Variants in KDM3B observed in about 807,000 individuals in gnomAD.
KDM3B encodes the protein lysine-specific demethylase 3B.
A neutral mutation model predicts 170.0 loss-of-function variants in KDM3B; 10 were observed. The ratio of observed to expected loss-of-function variants is 0.06; its 90% CI spans 0.04 to 0.10. KDM3B has a LOEUF of 0.10. Ranked by LOEUF, KDM3B falls within the 10% of genes least tolerant of loss-of-function variation. KDM3B has a pLI of 1.00. For missense variants in KDM3B, 1,394 were observed against 2,195.2 expected (o/e 0.64, Z 7.29); for synonymous variants, 831 against 834.8 (o/e 1.00, Z 0.08).
intron 6 of KDM3B, among the ~76,000 whole-genome samples, chr5:138,382,665 G>T (rs1359858320): frequency 1.3e-5 from 2 of 151,738 alleles, no homozygotes; most frequent in African/African-American, 4.8e-5. Flanking sequence ...AATAGGAAAA[G>T]AAAAAAAATT....
At chr5:138,374,606 C>G (rs1761952076) in intron 2 of KDM3B, among the ~76,000 whole-genome samples, 1 of 152,106 alleles carries the variant, frequency 6.6e-6, no homozygotes, top group African/African-American at 2.4e-5. Context: ...AGGAGAAGCT[C>G]TTGTATAATA....
At chr5:138,405,496 ACT>A (rs963619705) in intron 11 of KDM3B, among the ~76,000 whole-genome samples, 1 of 151,570 alleles carries the variant, frequency 6.6e-6, no homozygotes, top group African/African-American at 2.4e-5. Context: ...ACAGAGTAAG[ACT>A]CTGTCTTACA....
Position 138,372,790 on chromosome 5 carries a change from C to T in KDM3B, c.309C>T (p.Asp103=), listed in dbSNP as rs779436763. The change falls in exon 2 of 24, where the codon GAC becomes GAT. Residue 103 remains aspartate (D), a synonymous_variant. Coordinates refer to ENST00000314358, the MANE Select transcript of KDM3B (RefSeq NM_016604.4). ...CTCTTGTATGGGCGCCCCGTGAGGA[C>T]CCAGTCCTTCTCCAGGGCATTCGAG... The part of the protein sequence containing the change: ...EGSLVWAPRE[D]PVLLQGIRVS... 8 of 1,614,092 alleles carry T rather than the reference C, an allele frequency of 5.0e-6. No individual in the cohort carries two copies. In the South Asian group the frequency reaches 7.7e-5, roughly 16 times the overall value.
At chr5:138,408,188 A>G (rs1000540787) in intron 11 of KDM3B, among the ~76,000 whole-genome samples, 3 of 152,178 alleles carry the variant, frequency 2.0e-5, no homozygotes, top group African/African-American at 7.2e-5. Flanking sequence ...CCCTAAAGCT[A>G]TGTAAACATC....
chr5:138,384,273 A>T (rs1250307388), intron 6 of KDM3B, among the ~76,000 whole-genome samples: 1 of 151,284 alleles, frequency 6.6e-6, no homozygotes, highest in Non-Finnish European at 1.5e-5. Flanking sequence ...TCAAAAGAAA[A>T]CAACACTTAG....
intron 7 of KDM3B, 115 bp from the exon 8 acceptor site, chr5:138,390,898 G>GA: frequency 9.9e-7 from 1 of 1,010,468 alleles, no homozygotes; most frequent in Non-Finnish European, 1.4e-6. Context: ...TTGTAAAAGA[G>GA]AAAAGTTGAT....
chr5:138,412,965 T>TA (rs1191600164), intron 11 of KDM3B, among the ~76,000 whole-genome samples: 2 of 152,196 alleles, frequency 1.3e-5, no homozygotes, highest in African/African-American at 4.8e-5. Context: ...TTTGAACAGA[T>TA]ACGTCACCAA....
chr5:138,358,036 C>T lies in KDM3B; in HGVS notation c.192+5049C>T, dbSNP rs184024671. Among the ~76,000 whole-genome samples, 377 of 148,672 alleles carry T rather than the reference C, an allele frequency of 2.5e-3. 2 individuals carry two copies. The highest frequency in any genetic ancestry group is 8.1e-3 in the African/African-American group (326 of 40,188). On this transcript the variant is annotated intron_variant, in intron 1 of 23. Transcript: ENST00000314358. Reference sequence around the variant, plus strand: ...TTTAGAGACAGAGTTTCACTCTTGTCGCCCAGGCTGGAGTGTAATGGTGTG... The same window carrying T: ...TTTAGAGACAGAGTTTCACTCTTGTTGCCCAGGCTGGAGTGTAATGGTGTG...
At chr5:138,399,480 G>T (rs988835958) in intron 10 of KDM3B, among the ~76,000 whole-genome samples, 1 of 151,920 alleles carries the variant, frequency 6.6e-6, no homozygotes, top group Admixed American at 6.6e-5. Flanking sequence ...GGAGCTTGCA[G>T]TGAGCCAAGA....
intron 11 of KDM3B, among the ~76,000 whole-genome samples, chr5:138,402,390 C>G (rs1762714945): frequency 6.6e-6 from 1 of 152,196 alleles, no homozygotes; most frequent in African/African-American, 2.4e-5. Flanking sequence ...GTTTAGGCTA[C>G]TGTGATGTGG....
intron 1 of KDM3B, among the ~76,000 whole-genome samples, chr5:138,364,289 A>G (rs1195261624): frequency 2.0e-5 from 3 of 151,964 alleles, no homozygotes; most frequent in South Asian, 2.1e-4. Context: ...GCTTTTCTCT[A>G]TTTTCCACAG....
At chr5:138,397,159 G>A (rs559760290) in intron 9 of KDM3B, among the ~76,000 whole-genome samples, 4 of 152,060 alleles carry the variant, frequency 2.6e-5, no homozygotes, top group East Asian at 1.9e-4. Context: ...GTAAAACCCC[G>A]TCTCTACTAA....
At chr5:138,354,768 G>A (rs777908983) in intron 1 of KDM3B, among the ~76,000 whole-genome samples, 4 of 152,230 alleles carry the variant, frequency 2.6e-5, no homozygotes, top group Admixed American at 2.0e-4. Flanking sequence ...GAACATTACA[G>A]CTGTGTTGAG....
chr5:138,399,672 T>G (rs1176577659), intron 10 of KDM3B, among the ~76,000 whole-genome samples, 188 bp from the exon 11 acceptor site: 1 of 152,202 alleles, frequency 6.6e-6, no homozygotes, highest in African/African-American at 2.4e-5. Flanking sequence ...ATAAGTTATA[T>G]AGTCTCTTTG....
intron 7 of KDM3B, 133 bp from the exon 8 acceptor site, chr5:138,390,880 C>T: frequency 1.3e-6 from 1 of 782,892 alleles, no homozygotes; most frequent in South Asian, 2.1e-5. Flanking sequence ...AAGAGCAGAT[C>T]CATGGAATTG....
Position 138,357,355 on chromosome 5 carries a change from C to A in KDM3B, c.192+4368C>A, listed in dbSNP as rs58695014. Among the ~76,000 whole-genome samples the A allele has an allele frequency of 3.7e-3, 547 of 148,848 alleles. 6 individuals are homozygous for A. The highest frequency in any genetic ancestry group is 0.013 in the African/African-American group (525 of 41,244). On this transcript the variant is annotated intron_variant, in intron 1 of 23. Transcript: ENST00000314358. ...CCCATCTTGAACCTATATAAATATA[C>A]TTTAAAAAACATTTTTTTTTTTTTT...
intron 10 of KDM3B, among the ~76,000 whole-genome samples, 161 bp downstream of exon 10, chr5:138,398,553 A>T (rs1268191810): frequency 3.9e-5 from 6 of 152,314 alleles, no homozygotes; most frequent in African/African-American, 1.4e-4. Flanking sequence ...TGAGACCTTA[A>T]CTATATCCAG....
chr5:138,429,402 C>A (rs1763476320), intron 20 of KDM3B, among the ~76,000 whole-genome samples: 1 of 152,136 alleles, frequency 6.6e-6, no homozygotes. Flanking sequence ...TGGTGTAGGT[C>A]ATTGTAATAG....
intron 1 of KDM3B, among the ~76,000 whole-genome samples, chr5:138,362,581 C>CACAG (rs1299597112): frequency 2.3e-5 from 3 of 133,144 alleles, no homozygotes; most frequent in African/African-American, 8.4e-5. Context: ...CACACACACA[C>CACAG]ACACAAAATA....
Sources: allele counts gnomAD v4.1 joint callset (sites outside exome capture counted in the v4.1 genomes callset), GRCh38; gene constraint gnomAD v4.1.1; transcripts MANE v1.5; gene names NCBI Gene and HGNC (gene_info 2026-07-23, HGNC 2026-07-21).